ERBB4: variants seen among roughly 807,000 people sequenced by gnomAD.
The protein encoded by ERBB4 is receptor tyrosine-protein kinase erbB-4.
In ERBB4, 42 loss-of-function variants were observed where a neutral mutation model predicts 158.0. The ratio of observed to expected loss-of-function variants is 0.27; its 90% CI spans 0.21 to 0.34. ERBB4 has a LOEUF of 0.34. ERBB4 is among the 10% of genes least tolerant of loss of function. The pLI, the probability that ERBB4 is intolerant of heterozygous loss-of-function variation, is 1.00. For missense variants in ERBB4, 1,333 were observed against 1,624.1 expected, an observed-to-expected ratio of 0.82 and a Z score of 3.08; for synonymous variants, 583 against 558.7, an observed-to-expected ratio of 1.04 and a Z score of -0.61.
intron 2 of ERBB4, among the ~76,000 whole-genome samples, 199 bp from the exon 3 acceptor site, chr2:211,947,815 G>C (rs116000341): frequency 6.6e-6 from 1 of 152,276 alleles, no homozygotes; most frequent in Non-Finnish European, 1.5e-5. Context: ...AGTATAAGTT[G>C]TGTTTCTTTT....
At chr2:211,389,691 G>T (rs1263504448) in intron 25 of ERBB4, among the ~76,000 whole-genome samples, 1 of 152,128 alleles carries the variant, frequency 6.6e-6, no homozygotes, top group African/African-American at 2.4e-5. Flanking sequence ...ATCGTTTAAT[G>T]ACCTGGGCTC....
chr2:212,529,831 A>C (rs1022886311), intron 1 of ERBB4, among the ~76,000 whole-genome samples: 1 of 152,166 alleles, frequency 6.6e-6, no homozygotes, highest in African/African-American at 2.4e-5. Context: ...ATTTAAAGTA[A>C]AACTTAAAAG....
intron 2 of ERBB4, among the ~76,000 whole-genome samples, chr2:212,093,492 G>A (rs2078839045): frequency 6.6e-6 from 1 of 152,132 alleles, no homozygotes; most frequent in Non-Finnish European, 1.5e-5. Flanking sequence ...TCAATGGTGT[G>A]AGAGAAGTAC....
rs2083841765 is a variant in ERBB4 at position 212,235,690 on chromosome 2, T to C, written c.83-110787A>G. Among the ~76,000 whole-genome samples, 3 of 152,162 alleles carry C rather than the reference T, an allele frequency of 2.0e-5. No individual in the cohort carries two copies. In the South Asian group the frequency reaches 6.2e-4, roughly 32 times the overall value. ...TCCTTGAAGAGTCCTTCACATCCCT[T>C]GTAAGTTGGATTCCTAGGTATTTTA... is the stretch of plus-strand genomic sequence containing the variant. On this transcript the variant is annotated intron_variant, in intron 1 of 27. Transcript: ENST00000342788.
chr2:211,949,068 C>A (rs2080797267), intron 2 of ERBB4, among the ~76,000 whole-genome samples: 1 of 152,090 alleles, frequency 6.6e-6, no homozygotes, highest in African/African-American at 2.4e-5. Context: ...CTCTGACACC[C>A]CAAGTGTGAT....
Position 212,375,720 on chromosome 2 carries a change from T to C in ERBB4, c.82+162729A>G, listed in dbSNP as rs561139051. Reference sequence around the variant, plus strand: ...AAACTCATACTAACTTGATATATCATGTCTGAACAGGAAATAGTTTGAGGC... The same window carrying C: ...AAACTCATACTAACTTGATATATCACGTCTGAACAGGAAATAGTTTGAGGC... On this transcript the variant is annotated intron_variant, in intron 1 of 27. Transcript: ENST00000342788. Among the ~76,000 whole-genome samples the C allele has an allele frequency of 3.1e-4, 47 of 152,246 alleles. 1 individual carries two copies. The highest frequency in any genetic ancestry group is 2.1e-3 in the South Asian group (10 of 4,832).
intron 20 of ERBB4, among the ~76,000 whole-genome samples, chr2:211,543,861 A>T (rs2125688642): frequency 6.6e-6 from 1 of 151,882 alleles, no homozygotes; most frequent in African/African-American, 2.4e-5. Context: ...AAAAAGAAAA[A>T]GAAAAAGAAA....
At chr2:211,650,365 A>C (rs2070937817) in intron 16 of ERBB4, among the ~76,000 whole-genome samples, 1 of 152,224 alleles carries the variant, frequency 6.6e-6, no homozygotes, top group East Asian at 1.9e-4. Flanking sequence ...CCCTTTGAGT[A>C]ATTTTCAATT....
At chr2:212,436,080 A>C (rs531708060) in intron 1 of ERBB4, among the ~76,000 whole-genome samples, 2 of 151,996 alleles carry the variant, frequency 1.3e-5, no homozygotes, top group African/African-American at 4.8e-5. Flanking sequence ...TGCCATCAAA[A>C]TTTGTCAATC....
At chr2:211,943,258 T>C (rs1483538926) in intron 3 of ERBB4, among the ~76,000 whole-genome samples, 1 of 152,112 alleles carries the variant, frequency 6.6e-6, no homozygotes, top group Non-Finnish European at 1.5e-5. Context: ...GACTAGTGAC[T>C]AAACAAGTAG....
intron 1 of ERBB4, among the ~76,000 whole-genome samples, chr2:212,163,125 A>T (rs912333810): frequency 6.6e-6 from 1 of 151,940 alleles, no homozygotes; most frequent in Non-Finnish European, 1.5e-5. Context: ...ATTTTATGGC[A>T]TGTTTTTTGC....
chr2:212,190,584 C>A (rs1031500925), intron 1 of ERBB4, among the ~76,000 whole-genome samples: 4 of 150,724 alleles, frequency 2.7e-5, no homozygotes, highest in Non-Finnish European at 4.4e-5. Context: ...GCCTTTGATA[C>A]ATAAGTGTAT....
chr2:212,488,226 C>T (rs1487023893), intron 1 of ERBB4, among the ~76,000 whole-genome samples: 1 of 152,032 alleles, frequency 6.6e-6, no homozygotes, highest in Admixed American at 6.6e-5. Context: ...CCCTTGGAAT[C>T]ACCATTTGCA....
intron 1 of ERBB4, among the ~76,000 whole-genome samples, chr2:212,391,248 CAAT>C (rs1574833516): frequency 1.3e-5 from 2 of 151,490 alleles, no homozygotes; most frequent in African/African-American, 2.4e-5. Flanking sequence ...ATAATTAGAA[CAAT>C]AATAAGTTTT....
At chr2:212,313,690 T>C (rs1463267919) in intron 1 of ERBB4, among the ~76,000 whole-genome samples, 3 of 151,028 alleles carry the variant, frequency 2.0e-5, no homozygotes, top group African/African-American at 7.3e-5. Context: ...ATTTTAACAC[T>C]ATTCCCACAA....
intron 5 of ERBB4, among the ~76,000 whole-genome samples, chr2:211,735,826 C>T (rs1169916214): frequency 6.6e-6 from 1 of 151,804 alleles, no homozygotes; most frequent in Non-Finnish European, 1.5e-5. Flanking sequence ...TTGCTTTTCT[C>T]CTCATAGAAC....
Position 211,960,432 on chromosome 2 carries a change from A to G in ERBB4, c.235-12816T>C, listed in dbSNP as rs1279725392. On this transcript the variant is annotated intron_variant, in intron 2 of 27. Transcript: ENST00000342788. ...TCTCATCTTTGGACAATAATAGAGG[A>G]CCAATTCACTTTTTTGAAAATGTAT... 6.6e-5 allele frequency among the ~76,000 whole-genome samples: 10 copies of G among 152,154 alleles called. No individual in the cohort carries two copies. The East Asian group carries it at 1.9e-3, about 29-fold the overall frequency.
intron 1 of ERBB4, among the ~76,000 whole-genome samples, chr2:212,280,595 C>T (rs970426101): frequency 2.0e-5 from 3 of 151,658 alleles, no homozygotes; most frequent in Admixed American, 6.6e-5. Flanking sequence ...CAAATGTCTT[C>T]TCTGCGTTTC....
intron 1 of ERBB4, among the ~76,000 whole-genome samples, chr2:212,201,714 A>G (rs1224405823): frequency 6.6e-6 from 1 of 152,122 alleles, no homozygotes; most frequent in Non-Finnish European, 1.5e-5. Context: ...TCTGGATACT[A>G]TGGTAGACAA....
Sources: allele counts gnomAD v4.1 joint callset (sites outside exome capture counted in the v4.1 genomes callset), GRCh38; gene constraint gnomAD v4.1.1; transcripts MANE v1.5; gene names NCBI Gene and HGNC (gene_info 2026-07-23, HGNC 2026-07-21).